The following CAPRIN2 variants were observed in gnomAD, a reference collection of about 807,000 sequenced individuals.
The protein encoded by CAPRIN2 is caprin family member 2, also known as caprin-2.
In CAPRIN2, 66 loss-of-function variants were observed where a neutral mutation model predicts 130.4. The ratio of observed to expected loss-of-function variants is 0.51; its 90% CI spans 0.42 to 0.62. The LOEUF is 0.62. CAPRIN2 is among the 20% of genes least tolerant of loss of function. The probability of loss-of-function intolerance (pLI) is 0.00; values close to 1 mark genes in which losing one functional copy is unlikely to be tolerated. For synonymous variants in CAPRIN2, 471 were observed against 444.1 expected (o/e 1.06, Z -0.76); for missense variants, 1,185 against 1,246.6 (o/e 0.95, Z 0.74).
chr12:30,725,468 T>C (rs1447425426), intron 9 of CAPRIN2, among the ~76,000 whole-genome samples: 2 of 152,244 alleles, frequency 1.3e-5, no homozygotes, highest in South Asian at 2.1e-4. Flanking sequence ...AGTAATCTCA[T>C]ACCATTCTCA....
At chr12:30,750,787 T>C (rs117268450) in intron 2 of CAPRIN2, among the ~76,000 whole-genome samples, 3 of 152,222 alleles carry the variant, frequency 2.0e-5, no homozygotes, top group Non-Finnish European at 4.4e-5. Context: ...CTCTGGCACA[T>C]AAGTTTAACT....
chr12:30,724,349 G>C, intron 10 of CAPRIN2, 21 bp downstream of exon 11: 1 of 1,506,308 alleles, frequency 6.6e-7, no homozygotes, highest in Non-Finnish European at 9.2e-7. Context: ...TTTGCTCCAA[G>C]TCTTTAGAAT....
intron 14 of CAPRIN2, 86 bp from the exon 17 acceptor site, chr12:30,713,971 T>C: frequency 1.4e-6 from 1 of 703,350 alleles, no homozygotes; most frequent in Non-Finnish European, 2.4e-6. Flanking sequence ...CTTTAAAAGT[T>C]AAATTGATTA....
chr12:30,715,383 C>A (rs1555136114), intron 13 of CAPRIN2: 2 of 598,424 alleles, frequency 3.3e-6, no homozygotes, highest in Non-Finnish European at 6.2e-6. Context: ...ATGAATGAAC[C>A]CTTAAGACAT....
Position 30,728,746 on chromosome 12 carries a change from G to A in CAPRIN2, c.1684C>T (p.Gln562Ter), listed in dbSNP as rs771159198. ...CAGGACTTTGGAGAAATCTGTGACT[G>A]TGATGTTAAAGAGTGTTTTTGACTC... Residue 562 changes from glutamine to a stop codon, truncating the protein, a stop_gained, in exon 8 of 17, where the codon CAG (glutamine) becomes TAG (stop). Coordinates refer to ENST00000298892, the Ensembl canonical transcript of CAPRIN2. LOFTEE classifies it high-confidence loss of function. The A allele has an allele frequency of 6.2e-7, 1 of 1,614,146 alleles. No homozygotes were observed. The highest frequency in any genetic ancestry group is 1.1e-5 in the South Asian group (1 of 91,084).
intron 4 of CAPRIN2, among the ~76,000 whole-genome samples, chr12:30,734,216 A>G (rs556391435): frequency 7.6e-4 from 116 of 152,350 alleles, no homozygotes; most frequent in African/African-American, 2.7e-3. Flanking sequence ...TAAAAAATAC[A>G]TGGCTATATA....
exon 1 of CAPRIN2, chr12:30,753,939 C>T: frequency 1.6e-6 from 1 of 611,284 alleles, no homozygotes; most frequent in Non-Finnish European, 2.8e-6. Context: ...AAATAATTCC[C>T]ATGGCCACGT....
chr12:30,752,608 A>ATT lies in CAPRIN2; in HGVS notation c.420+735_420+736insAA, dbSNP rs1175558291. 9.2e-5 allele frequency among the ~76,000 whole-genome samples: 14 copies of ATT among 151,760 alleles called. No individual in the cohort carries two copies. The East Asian group carries it at 2.7e-3, about 29-fold the overall frequency. On this transcript the variant is annotated intron_variant, in intron 1 of 16. Transcript: ENST00000298892. Reference sequence around the variant, plus strand: ...AAAAAAAAGAGTCAACCAGACTCTAAAGAGTCTCTTCACACTCCTCCATTA... The same window carrying ATT: ...AAAAAAAAGAGTCAACCAGACTCTAATTAGAGTCTCTTCACACTCCTCCATTA...
intron 5 of CAPRIN2, among the ~76,000 whole-genome samples, chr12:30,733,010 A>T (rs1223671880): frequency 6.6e-6 from 1 of 152,124 alleles, no homozygotes; most frequent in Non-Finnish European, 1.5e-5. Context: ...AGATAGTTAT[A>T]GATATTTGGA....
At chr12:30,750,723 T>A (rs12824108) in intron 2 of CAPRIN2, among the ~76,000 whole-genome samples, 29 of 152,192 alleles carry the variant, frequency 1.9e-4, no homozygotes, top group Non-Finnish European at 3.4e-4. Context: ...AGGTTTAGAA[T>A]ATACCAGTGA....
rs1187208069 is a variant in CAPRIN2 at position 30,753,739 on chromosome 12, A to G, written c.25T>C (p.Ser9Pro). ...ACAGAAGTGAGCTCGAAACCCAATG[A>G]TGCTTGAGATACTTGTACTTCCATC... Residue 9 changes from serine to proline, a missense_variant, in exon 1 of 17, where the codon TCA becomes CCA. Physicochemically the swap from Ser to Pro is moderately conservative, Grantham distance 74 (BLOSUM62 -1). This residue lies in a region of CAPRIN2 where 1,104 missense variants were observed against 1,104.3 expected (regional missense o/e 1.00). Coordinates refer to ENST00000298892, the Ensembl canonical transcript of CAPRIN2. 3.7e-6 allele frequency: 6 copies of G among 1,611,166 alleles called. No individual in the cohort carries two copies. The Admixed American group carries it at 1.0e-4, about 27-fold the overall frequency.
intron 1 of CAPRIN2, chr12:30,751,394 C>T: frequency 2.5e-6 from 1 of 405,814 alleles, no homozygotes; most frequent in Non-Finnish European, 4.6e-6. Flanking sequence ...CTATTAATAA[C>T]TAGACTACTT....
chr12:30,714,713 T>C (rs1591932674), intron 14 of CAPRIN2, among the ~76,000 whole-genome samples: 1 of 152,324 alleles, frequency 6.6e-6, no homozygotes, highest in Admixed American at 6.5e-5. Context: ...AATTCATCCT[T>C]TGTAAAACAA....
chr12:30,725,784 C>T (rs529047621), intron 9 of CAPRIN2, among the ~76,000 whole-genome samples, 182 bp downstream of exon 10: 3 of 152,272 alleles, frequency 2.0e-5, no homozygotes, highest in Middle Eastern at 3.4e-3. Context: ...CAATAATCCT[C>T]ATTTTTCAAA....
intron 8 of CAPRIN2, 130 bp downstream of exon 9, chr12:30,728,518 G>T (rs2061595870): frequency 2.8e-6 from 2 of 716,042 alleles, no homozygotes; most frequent in East Asian, 2.7e-5. Flanking sequence ...TAGTGCCACT[G>T]CACTCCAGCC....
rs1052004688 is a variant in CAPRIN2, at chr12:30,751,237, G to A, written c.421-104C>T. The A allele has an allele frequency of 8.1e-6, 7 of 866,550 alleles. No individual in the cohort carries two copies. The South Asian group carries it at 9.6e-5, about 12-fold the overall frequency. 53.7% of individuals were successfully genotyped at this position (866,550 alleles called of 1,614,324 possible). A position where few individuals can be genotyped will look rare whatever the true frequency, so the allele number is the denominator to read the frequency against. Reference sequence around the variant, plus strand: ...CTAGGAAACAAAGTCCTTGAAGTAAGCTATCAATCTGCAAGACTATCATTT... The same window carrying A: ...CTAGGAAACAAAGTCCTTGAAGTAAACTATCAATCTGCAAGACTATCATTT... On this transcript the variant is annotated intron_variant, in intron 1 of 16. Coordinates refer to ENST00000298892, the Ensembl canonical transcript of CAPRIN2.
exon 15 of CAPRIN2, chr12:30,713,836 G>A (rs769164623): frequency 5.0e-6 from 8 of 1,610,798 alleles, no homozygotes; most frequent in Non-Finnish European, 6.8e-6. Context: ...ACTGCAGCTG[G>A]CTATAATTTC....
intron 12 of CAPRIN2, among the ~76,000 whole-genome samples, chr12:30,717,795 C>T (rs1228037608): frequency 2.6e-5 from 4 of 152,050 alleles, no homozygotes; most frequent in South Asian, 4.1e-4. Context: ...TGGCAAGCAA[C>T]GATCTGTCCT....
At chr12:30,716,620 G>T (rs763620955) in exon 13 of CAPRIN2, 19 of 1,613,764 alleles carry the variant, frequency 1.2e-5, no homozygotes, top group Admixed American at 3.3e-5. Context: ...GTGAATAAGG[G>T]GATTCTTTTA....
Sources: gnomAD v4.1 joint callset for allele counts (sites outside exome capture counted in the v4.1 genomes callset) on GRCh38, gnomAD v4.1.1 for gene constraint, gnomAD v4.1.1 regional missense constraint, MANE v1.5 for transcripts, NCBI Gene and HGNC (gene_info 2026-07-23, HGNC 2026-07-21) for gene names.